IQGAP2: variants seen among roughly 807,000 people sequenced by gnomAD.
IQGAP2 encodes IQ motif containing GTPase activating protein 2.
Under a neutral mutation model 201.3 loss-of-function variants are expected in IQGAP2, and 173 were observed. That is an observed-to-expected ratio of 0.86 (90% CI 0.76 to 0.98). The LOEUF (loss-of-function observed/expected upper bound fraction) is 0.98, where lower values mean the gene tolerates loss of function less well. Ranked by LOEUF, IQGAP2 falls within the 50% of genes least tolerant of loss-of-function variation. IQGAP2 has a pLI of 0.00. For synonymous variants in IQGAP2, 675 were observed against 673.9 expected, an observed-to-expected ratio of 1.00 and a Z score of -0.03; for missense variants, 1,687 against 1,864.8, an observed-to-expected ratio of 0.90 and a Z score of 1.76.
At chr5:76,562,101 C>T (rs975268606) in intron 2 of IQGAP2, among the ~76,000 whole-genome samples, 2 of 152,144 alleles carry the variant, frequency 1.3e-5, no homozygotes, top group Non-Finnish European at 2.9e-5. Flanking sequence ...AATGGTTTGG[C>T]CTTTTCCTTC....
At chr5:76,582,373 C>A (rs1241484632) in intron 5 of IQGAP2, among the ~76,000 whole-genome samples, 2 of 152,192 alleles carry the variant, frequency 1.3e-5, no homozygotes, top group African/African-American at 4.8e-5. Flanking sequence ...TTATTGTAGT[C>A]TAAGTCATTC....
At chr5:76,646,457 AG>A (rs1207870193) in intron 17 of IQGAP2, among the ~76,000 whole-genome samples, 1 of 152,214 alleles carries the variant, frequency 6.6e-6, no homozygotes, top group East Asian at 1.9e-4. Context: ...GCCTTCCCCG[AG>A]GCCTACTGAA....
chr5:76,562,384 T>A lies in IQGAP2; in HGVS notation c.147-12T>A, dbSNP rs1233422745. The A allele has an allele frequency of 3.8e-6, 6 of 1,578,630 alleles. No individual in the cohort carries two copies. The highest frequency in any genetic ancestry group is 2.2e-5 in the East Asian group (1 of 44,464). On this transcript the variant is annotated splice_polypyrimidine_tract_variant and intron_variant, in intron 2 of 35. Transcript: ENST00000274364. ...TGGAATCACTTTAATATTTTTTTTTTAATCTCTTTAGGTGGATGGAAGTTT... is the reference window on the plus strand; with the variant it reads ...TGGAATCACTTTAATATTTTTTTTTAAATCTCTTTAGGTGGATGGAAGTTT...
chr5:76,645,193 G>T (rs1397880203), intron 17 of IQGAP2, among the ~76,000 whole-genome samples: 2 of 151,578 alleles, frequency 1.3e-5, no homozygotes, highest in East Asian at 3.8e-4. Context: ...CCTTTTTTAT[G>T]GCTGCATAGT....
At position 76,637,146 on chromosome 5, in the gene IQGAP2, A is replaced by C; in HGVS notation, c.1893A>C (p.Lys631Asn). Residue 631 changes from lysine (K) to asparagine (N), a missense_variant, in exon 16 of 36, where the codon AAA becomes AAC. By Grantham distance (94) the Lys-to-Asn change is moderately conservative. Coordinates refer to ENST00000274364, the MANE Select transcript of IQGAP2 (RefSeq NM_006633.5). ...TCACACCTGAATCATGCTTGTATAA[A>C]GAATCATGGCTCACAGGAAAAGAAA... ...SWVTPESCLY[K>N]ESWLTGKEIE... 1 of 1,609,556 alleles carries C rather than the reference A, an allele frequency of 6.2e-7. No individual in the cohort carries two copies. Among genetic ancestry groups the C allele is most frequent in the Non-Finnish European group, 8.5e-7 (1 of 1,177,956 alleles).
chr5:76,420,374 CTTTT>C (rs36086215), intron 1 of IQGAP2, among the ~76,000 whole-genome samples: 3 of 122,134 alleles, frequency 2.5e-5, no homozygotes, highest in Non-Finnish European at 1.8e-5. Flanking sequence ...ATCTTTGGAA[CTTTT>C]TTTTTTTTTT....
intron 17 of IQGAP2, among the ~76,000 whole-genome samples, chr5:76,645,303 TA>T (rs1361648539): frequency 6.6e-6 from 1 of 152,238 alleles, no homozygotes; most frequent in Non-Finnish European, 1.5e-5. Flanking sequence ...AGCACTGCAG[TA>T]AACATACTTG....
chr5:76,647,111 G>A (rs458059), intron 17 of IQGAP2, among the ~76,000 whole-genome samples: 75,399 of 151,776 alleles, frequency 0.5, 18,841 homozygotes, highest in South Asian at 0.7. Flanking sequence ...AAATTATTTG[G>A]GCTTGCCTCT....
At chr5:76,496,097 A>G (rs902751909) in intron 2 of IQGAP2, among the ~76,000 whole-genome samples, 9 of 152,332 alleles carry the variant, frequency 5.9e-5, no homozygotes, top group Admixed American at 3.9e-4. Flanking sequence ...CAAGAGAACC[A>G]AACTTGGAAA....
At chr5:76,624,420 A>G (rs939802954) in intron 13 of IQGAP2, 3 of 152,248 alleles carry the variant, frequency 2.0e-5, no homozygotes, top group African/African-American at 7.2e-5. Flanking sequence ...TATGCTAGGA[A>G]GAAATTGATC....
chr5:76,581,173 G>C (rs1745825286), intron 5 of IQGAP2, among the ~76,000 whole-genome samples: 1 of 152,218 alleles, frequency 6.6e-6, no homozygotes, highest in Non-Finnish European at 1.5e-5. Context: ...ACACAGCCAG[G>C]TGGCTGTCTT....
At chr5:76,570,386 T>C (rs1223632720) in intron 3 of IQGAP2, among the ~76,000 whole-genome samples, 194 bp from the exon 4 acceptor site, 1 of 152,228 alleles carries the variant, frequency 6.6e-6, no homozygotes, top group East Asian at 1.9e-4. Flanking sequence ...AAATTCATGG[T>C]TCATCACAGA....
intron 17 of IQGAP2, among the ~76,000 whole-genome samples, chr5:76,650,671 G>A (rs1338245842): frequency 4.6e-5 from 7 of 152,212 alleles, no homozygotes; most frequent in African/African-American, 1.4e-4. Flanking sequence ...TGTGCACAAC[G>A]TGCAGGTTTG....
intron 2 of IQGAP2, among the ~76,000 whole-genome samples, chr5:76,515,780 C>A (rs1758278071): frequency 6.7e-6 from 1 of 149,010 alleles, no homozygotes; most frequent in Admixed American, 6.7e-5. Flanking sequence ...TCTTTTTATT[C>A]TTTAAAAATG....
chr5:76,544,086 T>C (rs1742949455), intron 2 of IQGAP2, among the ~76,000 whole-genome samples: 2 of 152,138 alleles, frequency 1.3e-5, no homozygotes, highest in Admixed American at 6.5e-5. Context: ...GGCATCACTT[T>C]CTAGCCAGTC....
At chr5:76,634,868 A>G (rs1312360738) in intron 15 of IQGAP2, among the ~76,000 whole-genome samples, 2 of 151,174 alleles carry the variant, frequency 1.3e-5, no homozygotes, top group Non-Finnish European at 1.5e-5. Context: ...TGGAATGTTC[A>G]TCACCTCTTA....
chr5:76,610,106 ATATATATATTTTTTTTTTT>A (rs1215169040), intron 12 of IQGAP2, among the ~76,000 whole-genome samples: 1 of 17,206 alleles, frequency 5.8e-5, no homozygotes, highest in African/African-American at 1.9e-4. Context: ...ATATATATAT[ATATATATATTTTTTTTTTT>A]TTTTTTTTTT....
At chr5:76,468,098 T>A (rs1040176619) in intron 2 of IQGAP2, among the ~76,000 whole-genome samples, 3 of 152,208 alleles carry the variant, frequency 2.0e-5, no homozygotes, top group Non-Finnish European at 4.4e-5. Context: ...AAGGGAGAAT[T>A]GTATGGTATA....
intron 5 of IQGAP2, among the ~76,000 whole-genome samples, chr5:76,580,299 A>G (rs994875883): frequency 1.4e-5 from 2 of 140,546 alleles, no homozygotes; most frequent in Non-Finnish European, 3.1e-5. Context: ...AAAAAAAAGC[A>G]TGGTGGCACA....
Sources: gnomAD v4.1 joint callset for allele counts (sites outside exome capture counted in the v4.1 genomes callset) on GRCh38, gnomAD v4.1.1 for gene constraint, MANE v1.5 for transcripts, NCBI Gene and HGNC (gene_info 2026-07-23, HGNC 2026-07-21) for gene names.